Variants in PEX5L observed in about 807,000 individuals in gnomAD.
PEX5L encodes PEX5-related protein.
PEX5L carries 30 observed loss-of-function variants against 84.0 expected under a neutral mutation model. The ratio of observed to expected loss-of-function variants is 0.36; its 90% CI spans 0.27 to 0.48. PEX5L has a LOEUF of 0.48. Among genes scored for constraint, PEX5L ranks in the 20% least tolerant of loss-of-function variants. The pLI, the probability that PEX5L is intolerant of heterozygous loss-of-function variation, is 0.99. For missense variants in PEX5L, 533 were observed against 754.6 expected, an observed-to-expected ratio of 0.71 and a Z score of 3.44; for synonymous variants, 270 against 283.1, an observed-to-expected ratio of 0.95 and a Z score of 0.46.
chr3:179,944,240 C>T (rs1263350540), intron 2 of PEX5L, among the ~76,000 whole-genome samples: 2 of 152,198 alleles, frequency 1.3e-5, no homozygotes, highest in African/African-American at 4.8e-5. Context: ...TGATAGCAGA[C>T]TGCTACTTTC....
intron 1 of PEX5L, among the ~76,000 whole-genome samples, chr3:180,010,246 C>CGTTTTTTTTTTTTT: frequency 9.5e-6 from 1 of 105,156 alleles, no homozygotes; most frequent in South Asian, 3.2e-4. Flanking sequence ...CACCCGGCCT[C>CGTTTTTTTTTTTTT]TTTTTTTTTT....
chr3:179,872,225 G>A (rs1750657203), intron 7 of PEX5L, among the ~76,000 whole-genome samples: 1 of 152,114 alleles, frequency 6.6e-6, no homozygotes, highest in South Asian at 2.1e-4. Context: ...ATTACAGGTA[G>A]ATTGATCAGG....
chr3:179,973,653 A>T lies in PEX5L; in HGVS notation c.22-1988T>A, dbSNP rs1367357162. ...TTCTTGACAATCACTGCTAACAGAT[A>T]GAATGTCAGCACTCACAGAACATCA... On this transcript the variant is annotated intron_variant, in intron 1 of 14. Coordinates refer to ENST00000467460, the MANE Select transcript of PEX5L (RefSeq NM_016559.3). 1.8e-4 allele frequency: 175 copies of T among 985,266 alleles called. 1 individual carries two copies. Among genetic ancestry groups the T allele is most frequent in the Non-Finnish European group, 2.0e-4 (162 of 829,876 alleles). The allele number at this position is 985,266 out of a possible 1,614,324, so 61.0% of individuals were successfully genotyped here. A position where few individuals can be genotyped will look rare whatever the true frequency, so the allele number is the denominator to read the frequency against.
chr3:179,854,822 A>C (rs908951868), intron 8 of PEX5L, among the ~76,000 whole-genome samples: 1 of 152,180 alleles, frequency 6.6e-6, no homozygotes, highest in African/African-American at 2.4e-5. Context: ...TTTCTCATGG[A>C]GGCTACATTT....
At chr3:179,970,698 G>A (rs1472057940) in intron 2 of PEX5L, among the ~76,000 whole-genome samples, 1 of 152,076 alleles carries the variant, frequency 6.6e-6, no homozygotes, top group African/African-American at 2.4e-5. Flanking sequence ...ACAGCTCCCT[G>A]AATGCAACTG....
At chr3:179,817,283 C>T (rs1726523585) in intron 9 of PEX5L, among the ~76,000 whole-genome samples, 1 of 152,100 alleles carries the variant, frequency 6.6e-6, no homozygotes. Context: ...ATAAATTAAA[C>T]AAGTAGGCAC....
chr3:179,859,063 T>G lies in PEX5L; in HGVS notation c.821A>C (p.Glu274Ala), dbSNP rs1212294039. The G allele has an allele frequency of 2.5e-6, 4 of 1,607,240 alleles. No homozygotes were observed. In the African/African-American group the frequency reaches 5.3e-5, roughly 21 times the overall value. ...EEFERAKAAVESDTEFWDKMQ... is the reference protein window; with the variant it reads ...EEFERAKAAVASDTEFWDKMQ... The stretch of plus-strand genomic sequence containing the variant: ...AAAACTAATTTGAAGAAAAGTTACC[T>G]CCACTGCTGCTTTTGCCCTTTCAAA... Residue 274 changes from glutamate (E) to alanine (A), a missense_variant and splice_region_variant, in exon 8 of 15, where the codon GAG becomes GCG. By Grantham distance (107) the Glu-to-Ala change is moderately radical. Transcript: ENST00000467460.
intron 2 of PEX5L, among the ~76,000 whole-genome samples, 160 bp downstream of exon 2, chr3:179,971,434 G>C (rs964200550): frequency 2.0e-5 from 3 of 152,078 alleles, no homozygotes; most frequent in African/African-American, 7.2e-5. Flanking sequence ...GTGGATCAGA[G>C]GCATCATATG....
chr3:180,022,513 G>T (rs1167762406), intron 1 of PEX5L, among the ~76,000 whole-genome samples: 1 of 152,130 alleles, frequency 6.6e-6, no homozygotes, highest in Non-Finnish European at 1.5e-5. Flanking sequence ...TTTAAAGGAG[G>T]TTAAAACATT....
chr3:179,844,923 A>G (rs73174462), intron 8 of PEX5L, among the ~76,000 whole-genome samples: 33,364 of 152,210 alleles, frequency 0.22, 3,800 homozygotes, highest in Non-Finnish European at 0.25. Flanking sequence ...AATATCTTTA[A>G]CAAACACCTT....
intron 8 of PEX5L, among the ~76,000 whole-genome samples, chr3:179,852,318 A>C (rs1044500488): frequency 6.6e-6 from 1 of 152,130 alleles, no homozygotes; most frequent in Non-Finnish European, 1.5e-5. Flanking sequence ...AGCTGGGTTT[A>C]CCCCAGAGTG....
rs908992216 is a variant in PEX5L, at chr3:180,036,813, G to T, written c.-214C>A. The T allele has an allele frequency of 3.1e-5, 18 of 579,732 alleles. No individual in the cohort carries two copies. The highest frequency in any genetic ancestry group is 4.4e-5 in the Non-Finnish European group (14 of 320,634). 35.9% of individuals were successfully genotyped at this position (579,732 alleles called of 1,614,324 possible). Reference sequence around the variant, plus strand: ...TTCTCCGCTCGGGGTGCTGAAAGCGGACGCGGGAGAGCGCGCAGAGAAGGC... The same window carrying T: ...TTCTCCGCTCGGGGTGCTGAAAGCGTACGCGGGAGAGCGCGCAGAGAAGGC... On this transcript the variant is annotated 5_prime_UTR_variant, in exon 1 of 15. Transcript: ENST00000467460.
chr3:179,993,250 A>C (rs1215447483), intron 1 of PEX5L, among the ~76,000 whole-genome samples: 1 of 152,162 alleles, frequency 6.6e-6, no homozygotes, highest in Non-Finnish European at 1.5e-5. Flanking sequence ...GTTTTTCATC[A>C]ATTTGCACAA....
chr3:179,965,150 A>G (rs758183395), intron 2 of PEX5L, among the ~76,000 whole-genome samples: 6 of 152,238 alleles, frequency 3.9e-5, no homozygotes, highest in South Asian at 2.1e-4. Context: ...AGAGTATCTG[A>G]CACTGTTCCA....
chr3:179,878,909 T>C (rs1753291483), intron 5 of PEX5L, among the ~76,000 whole-genome samples: 1 of 152,262 alleles, frequency 6.6e-6, no homozygotes, highest in Non-Finnish European at 1.5e-5. Flanking sequence ...TTTATCTTTG[T>C]ATTCCTAGCA....
rs536954332 is a variant in PEX5L, at chr3:180,035,549, G to A, written c.21+1030C>T. On this transcript the variant is annotated intron_variant, in intron 1 of 14. Transcript: ENST00000467460. ...TTTAAAAATGGATTATAGTCCAAAA[G>A]AATTTCCCTAAGTTATGGAAATTAA... is the stretch of plus-strand genomic sequence containing the variant. 2.0e-5 allele frequency among the ~76,000 whole-genome samples: 3 copies of A among 152,282 alleles called. No homozygotes were observed. In the South Asian group the frequency reaches 6.2e-4, roughly 32 times the overall value.
intron 1 of PEX5L, chr3:179,974,064 C>G (rs563059285): frequency 1.0e-6 from 1 of 985,550 alleles, no homozygotes; most frequent in Admixed American, 6.1e-5. Context: ...CTCAGCTTCC[C>G]ACTTTGCTTA....
chr3:179,880,942 G>T (rs894780611), intron 4 of PEX5L: 53 of 152,230 alleles, frequency 3.5e-4, no homozygotes, highest in African/African-American at 1.3e-3. Flanking sequence ...ATTCAAATTG[G>T]AGAAGGTCCC....
At chr3:179,857,421 G>T (rs982403395) in intron 8 of PEX5L, among the ~76,000 whole-genome samples, 1 of 152,214 alleles carries the variant, frequency 6.6e-6, no homozygotes, top group Non-Finnish European at 1.5e-5. Context: ...GAAAAGAAGT[G>T]AGTAGCCCCT....
Sources: allele counts gnomAD v4.1 joint callset (sites outside exome capture counted in the v4.1 genomes callset), GRCh38; gene constraint gnomAD v4.1.1; transcripts MANE v1.5; gene names NCBI Gene and HGNC (gene_info 2026-07-23, HGNC 2026-07-21).